The following ANKRD42 variants were observed in gnomAD, a reference collection of about 807,000 sequenced individuals.
ANKRD42 encodes the protein ankyrin repeat domain-containing protein 42.
In ANKRD42, 43 loss-of-function variants were observed where a neutral mutation model predicts 51.5. That is an observed-to-expected ratio of 0.83 (90% confidence interval 0.65 to 1.08). The LOEUF is 1.08. Ranked by LOEUF, ANKRD42 falls within the 50% of genes least tolerant of loss-of-function variation. The probability of loss-of-function intolerance (pLI) is 0.00; values close to 1 mark genes in which losing one functional copy is unlikely to be tolerated. For synonymous variants in ANKRD42, 203 were observed against 213.0 expected (o/e 0.95, Z 0.41); for missense variants, 608 against 629.3 (o/e 0.97, Z 0.36).
At chr11:83,223,945 C>CA (rs1862795466) in intron 5 of ANKRD42, among the ~76,000 whole-genome samples, 1 of 135,738 alleles carries the variant, frequency 7.4e-6, no homozygotes, top group Non-Finnish European at 1.6e-5. Context: ...AGATTCATTC[C>CA]TTTTTTTTTT....
Position 83,194,599 on chromosome 11 carries a change from A to G in ANKRD42, c.-72A>G. The G allele has an allele frequency of 6.8e-7, 1 of 1,477,438 alleles. No individual in the cohort carries two copies. The highest frequency in any genetic ancestry group is 9.4e-7 in the Non-Finnish European group (1 of 1,068,998). 91.5% of individuals were successfully genotyped at this position (1,477,438 alleles called of 1,614,324 possible). ...CTGCCGCTGCAGTGGCTCGTGGGTG[A>G]GAGCAAGTGAAGACCGCCGCAGCAT... On this transcript the variant is annotated 5_prime_UTR_variant, in exon 1 of 11. Coordinates refer to ENST00000533342, the MANE Select transcript of ANKRD42 (RefSeq NM_001300975.2).
intron 5 of ANKRD42, 83 bp downstream of exon 5, chr11:83,211,513 T>A: frequency 6.8e-7 from 1 of 1,473,234 alleles, no homozygotes; most frequent in Non-Finnish European, 9.3e-7. Flanking sequence ...ATTTAAACTG[T>A]TGGTTGAGCG....
At chr11:83,212,519 A>T in intron 5 of ANKRD42, 1 of 831,580 alleles carries the variant, frequency 1.2e-6, no homozygotes, top group Non-Finnish European at 1.9e-6. Context: ...AAAGTGGTCT[A>T]CAAATTCTAA....
At chr11:83,210,526 T>C in intron 4 of ANKRD42, 107 bp downstream of exon 4, 1 of 1,322,250 alleles carries the variant, frequency 7.6e-7, no homozygotes. Flanking sequence ...AATATGACTT[T>C]GGGAAACTAA....
At chr11:83,223,321 T>C (rs1231933938) in intron 5 of ANKRD42, among the ~76,000 whole-genome samples, 1 of 152,154 alleles carries the variant, frequency 6.6e-6, no homozygotes, top group Non-Finnish European at 1.5e-5. Flanking sequence ...GGTAGTGGCA[T>C]GCGTAAGAAA....
chr11:83,239,093 T>G (rs558057428), intron 8 of ANKRD42, among the ~76,000 whole-genome samples: 1 of 152,316 alleles, frequency 6.6e-6, no homozygotes, highest in African/African-American at 2.4e-5. Flanking sequence ...GTCAGGGTCT[T>G]TTTTTAATTC....
intron 9 of ANKRD42, among the ~76,000 whole-genome samples, chr11:83,241,735 A>C (rs1215570013): frequency 6.6e-5 from 10 of 152,140 alleles, no homozygotes. Flanking sequence ...AAATCTCAGC[A>C]TATAGATTTT....
intron 10 of ANKRD42, 101 bp downstream of exon 10, chr11:83,245,725 G>A: frequency 7.7e-7 from 1 of 1,305,476 alleles, no homozygotes; most frequent in Admixed American, 2.7e-5. Flanking sequence ...TTGCCAAAGG[G>A]TGTTAGGTTC....
chr11:83,193,955 AAG>A lies in ANKRD42; in HGVS notation c.-711_-710del, dbSNP rs571640363. ...AGCGACGACGGGGAAAGAAAATGTGAAGAGAGCGACCGCCGCTCCAGGGTCGC... is the reference window on the plus strand; with the variant it reads ...AGCGACGACGGGGAAAGAAAATGTGAAGAGCGACCGCCGCTCCAGGGTCGC... On this transcript the variant is annotated 5_prime_UTR_variant, in exon 1 of 11. Transcript: ENST00000533342. 3.6e-4 allele frequency: 165 copies of A among 456,278 alleles called. No individual in the cohort carries two copies. The highest frequency in any genetic ancestry group is 3.1e-3 in the African/African-American group (156 of 50,144). 28.3% of individuals were successfully genotyped at this position (456,278 alleles called of 1,614,324 possible). A position where few individuals can be genotyped will look rare whatever the true frequency, so the allele number is the denominator to read the frequency against.
At chr11:83,211,527 T>C (rs1862318254) in intron 5 of ANKRD42, 97 bp downstream of exon 5, 14 of 1,369,156 alleles carry the variant, frequency 1.0e-5, no homozygotes, top group Non-Finnish European at 1.4e-5. Context: ...TTGAGCGTGG[T>C]GGCTTACATC....
chr11:83,217,471 T>G (rs1214023316), intron 5 of ANKRD42, among the ~76,000 whole-genome samples: 2 of 152,218 alleles, frequency 1.3e-5, no homozygotes, highest in African/African-American at 4.8e-5. Flanking sequence ...GTCCTAAGAT[T>G]CGTCGGATAG....
chr11:83,226,152 G>A (rs1471661696), intron 6 of ANKRD42, among the ~76,000 whole-genome samples: 1 of 152,116 alleles, frequency 6.6e-6, no homozygotes, highest in African/African-American at 2.4e-5. Flanking sequence ...ATCTGCAGAT[G>A]TGGAACTTGC....
Position 83,225,042 on chromosome 11 carries a change from A to G in ANKRD42, c.774A>G (p.Leu258=). Residue 258 remains leucine (L), a synonymous_variant, in exon 6 of 11, where the codon CTA becomes CTG. Coordinates refer to ENST00000533342, the MANE Select transcript of ANKRD42 (RefSeq NM_001300975.2). ...IQGAEYEGKD[L]EDQETLAFPG... ...GGGCTGAGTATGAAGGAAAAGACCT[A>G]GAGGATCAGGAAAGTAAGTAATTAA... 6.2e-7 allele frequency: 1 copy of G among 1,612,196 alleles called. No individual in the cohort carries two copies. The highest frequency in any genetic ancestry group is 8.5e-7 in the Non-Finnish European group (1 of 1,178,694).
intron 3 of ANKRD42, chr11:83,209,950 CA>C (rs1206998365): frequency 2.7e-6 from 1 of 370,742 alleles, no homozygotes; most frequent in Non-Finnish European, 4.9e-6. Context: ...GTGGCTGTTA[CA>C]GGGATCATGT....
At chr11:83,205,807 G>C (rs1251811904) in intron 2 of ANKRD42, among the ~76,000 whole-genome samples, 1 of 152,168 alleles carries the variant, frequency 6.6e-6, no homozygotes, top group East Asian at 1.9e-4. Context: ...GACTGTAATT[G>C]AGTAGTGTCT....
chr11:83,212,838 T>A (rs1862377681), intron 5 of ANKRD42: 2 of 1,433,598 alleles, frequency 1.4e-6, no homozygotes, highest in Non-Finnish European at 1.8e-6. Context: ...TGGTATGAAC[T>A]CTTTCAATTT....
chr11:83,246,483 G>T (rs1218944116), intron 10 of ANKRD42, among the ~76,000 whole-genome samples: 1 of 152,180 alleles, frequency 6.6e-6, no homozygotes, highest in Non-Finnish European at 1.5e-5. Flanking sequence ...GATAGAGGAT[G>T]CCTCGAGCTT....
At chr11:83,257,506 T>A (rs565890255), downstream of ANKRD42, among the ~76,000 whole-genome samples, 6 of 152,322 alleles carry the variant, frequency 3.9e-5, no homozygotes, top group East Asian at 1.2e-3. Context: ...GCCAAGCCCT[T>A]AACTATCTCT....
intron 7 of ANKRD42, among the ~76,000 whole-genome samples, chr11:83,229,667 G>A (rs1863007826): frequency 6.6e-6 from 1 of 152,124 alleles, no homozygotes; most frequent in South Asian, 2.1e-4. Flanking sequence ...TAATATAGAT[G>A]TTGGAAGTTG....
Sources: allele counts gnomAD v4.1 joint callset (sites outside exome capture counted in the v4.1 genomes callset), GRCh38; gene constraint gnomAD v4.1.1; transcripts MANE v1.5; gene names NCBI Gene and HGNC (gene_info 2026-07-23, HGNC 2026-07-21).